Variants in FOXP1 observed in about 807,000 individuals in gnomAD.
FOXP1 encodes the protein forkhead box P1.
A neutral mutation model predicts 98.2 loss-of-function variants in FOXP1; 15 were observed. The ratio of observed to expected loss-of-function variants is 0.15; its 90% CI spans 0.10 to 0.24. FOXP1 has a LOEUF of 0.24. Among genes scored for constraint, FOXP1 ranks in the 10% least tolerant of loss-of-function variants. The pLI is 1.00. For synonymous variants in FOXP1, 371 were observed against 314.5 expected (o/e 1.18, Z -1.90); for missense variants, 633 against 848.5 (o/e 0.75, Z 3.15).
chr3:71,503,058 CAA>C (rs763857337), intron 2 of FOXP1, among the ~76,000 whole-genome samples: 1 of 146,254 alleles, frequency 6.8e-6, no homozygotes, highest in African/African-American at 2.5e-5. Flanking sequence ...AGTAAAATAA[CAA>C]AAGAGTTAAG....
chr3:71,109,566 T>C (rs1432293197), intron 7 of FOXP1, among the ~76,000 whole-genome samples: 2 of 152,182 alleles, frequency 1.3e-5, no homozygotes, highest in Non-Finnish European at 2.9e-5. Context: ...AGATGAGCAC[T>C]GTTAAGATTT....
At chr3:71,000,714 C>T (rs189573362) in intron 13 of FOXP1, among the ~76,000 whole-genome samples, 2 of 151,640 alleles carry the variant, frequency 1.3e-5, no homozygotes, top group Admixed American at 1.3e-4. Flanking sequence ...TGGCTGCATA[C>T]ACACAGGTGC....
intron 7 of FOXP1, among the ~76,000 whole-genome samples, chr3:71,073,232 C>T (rs372258812): frequency 1.3e-5 from 2 of 152,298 alleles, no homozygotes; most frequent in African/African-American, 4.8e-5. Context: ...GAAATCAGGG[C>T]GCGCTGTGGT....
At chr3:71,303,571 C>T (rs1255062596) in intron 4 of FOXP1, among the ~76,000 whole-genome samples, 1 of 152,060 alleles carries the variant, frequency 6.6e-6, no homozygotes, top group Non-Finnish European at 1.5e-5. Context: ...TCTTGTTTTT[C>T]AATGACTTCT....
chr3:71,298,204 C>A (rs1431237026), intron 5 of FOXP1, among the ~76,000 whole-genome samples: 1 of 152,146 alleles, frequency 6.6e-6, no homozygotes, highest in Non-Finnish European at 1.5e-5. Flanking sequence ...CAGTGCCTCA[C>A]GCCTGTAATC....
At chr3:71,028,681 A>C (rs1303290774) in intron 11 of FOXP1, among the ~76,000 whole-genome samples, 1 of 152,240 alleles carries the variant, frequency 6.6e-6, no homozygotes, top group Non-Finnish European at 1.5e-5. Flanking sequence ...TCAAGCACAT[A>C]ATATTTATCA....
intron 5 of FOXP1, among the ~76,000 whole-genome samples, chr3:71,297,604 C>T (rs2073434912): frequency 7.1e-6 from 1 of 139,876 alleles, no homozygotes; most frequent in East Asian, 2.1e-4. Context: ...ACCACTTTTT[C>T]AGCTTTGTTT....
intron 6 of FOXP1, among the ~76,000 whole-genome samples, chr3:71,160,187 CT>C (rs113079967): frequency 8.7e-5 from 13 of 150,220 alleles, no homozygotes; most frequent in South Asian, 2.1e-4. Flanking sequence ...GTATGTATTT[CT>C]TTTTTTTTTC....
intron 2 of FOXP1, among the ~76,000 whole-genome samples, chr3:71,555,474 T>C (rs1578159196): frequency 6.6e-6 from 1 of 152,220 alleles, no homozygotes; most frequent in Non-Finnish European, 1.5e-5. Context: ...AATAATACTT[T>C]AGCATAAAAT....
intron 12 of FOXP1, among the ~76,000 whole-genome samples, chr3:71,013,108 A>C (rs191867305): frequency 1.3e-5 from 2 of 152,176 alleles, no homozygotes; most frequent in African/African-American, 4.8e-5. Context: ...TATGAGATTA[A>C]TATTATTTCC....
chr3:71,115,806 G>A (rs1444280676), intron 6 of FOXP1, among the ~76,000 whole-genome samples: 2 of 143,482 alleles, frequency 1.4e-5, no homozygotes, highest in African/African-American at 2.6e-5. Context: ...GTGCAACCTC[G>A]GTTCACTGCA....
intron 7 of FOXP1, among the ~76,000 whole-genome samples, chr3:71,063,998 G>A (rs187304644): frequency 6.6e-6 from 1 of 152,164 alleles, no homozygotes; most frequent in African/African-American, 2.4e-5. Context: ...TCTGACAGTT[G>A]AGTTAGCTAC....
At chr3:71,062,039 G>C (rs931935427) in intron 7 of FOXP1, among the ~76,000 whole-genome samples, 1 of 152,134 alleles carries the variant, frequency 6.6e-6, no homozygotes, top group Non-Finnish European at 1.5e-5. Flanking sequence ...TTGTAGAACT[G>C]GTCAGTGTCA....
At chr3:71,533,432 TTTA>T (rs535758182) in intron 2 of FOXP1, among the ~76,000 whole-genome samples, 27 of 152,362 alleles carry the variant, frequency 1.8e-4, no homozygotes, top group Admixed American at 2.0e-4. Context: ...TCTAGCTTAC[TTTA>T]TTGTCAGAAT....
At chr3:71,257,393 C>T (rs555300265) in intron 5 of FOXP1, among the ~76,000 whole-genome samples, 11 of 152,116 alleles carry the variant, frequency 7.2e-5, no homozygotes, top group Admixed American at 6.5e-4. Flanking sequence ...GCCTGGCCAA[C>T]ACGGTGAAAC....
intron 3 of FOXP1, among the ~76,000 whole-genome samples, chr3:71,377,839 T>C (rs1020389221): frequency 5.3e-5 from 8 of 152,240 alleles, no homozygotes; most frequent in Non-Finnish European, 8.8e-5. Flanking sequence ...ATGAATGCTA[T>C]GCACAAATGC....
At chr3:71,009,868 C>A (rs1271448484) in intron 12 of FOXP1, among the ~76,000 whole-genome samples, 1 of 151,732 alleles carries the variant, frequency 6.6e-6, no homozygotes, top group Non-Finnish European at 1.5e-5. Context: ...CCCACCTTAG[C>A]TTCCCAATTA....
At chr3:71,463,567 G>A (rs2088381631) in intron 3 of FOXP1, among the ~76,000 whole-genome samples, 1 of 152,052 alleles carries the variant, frequency 6.6e-6, no homozygotes, top group South Asian at 2.1e-4. Flanking sequence ...TCTCTGGGCT[G>A]GGGTCTCTCC....
intron 3 of FOXP1, among the ~76,000 whole-genome samples, chr3:71,427,226 C>T (rs1384471765): frequency 6.6e-6 from 1 of 151,916 alleles, no homozygotes; most frequent in Non-Finnish European, 1.5e-5. Flanking sequence ...ATATGTAGCC[C>T]AGGGTCTGGC....
Sources: allele counts gnomAD v4.1 joint callset (sites outside exome capture counted in the v4.1 genomes callset), GRCh38; gene constraint gnomAD v4.1.1; transcripts MANE v1.5; gene names NCBI Gene and HGNC (gene_info 2026-07-23, HGNC 2026-07-21).